CHST3: variants seen among roughly 807,000 people sequenced by gnomAD.
CHST3 encodes C6ST-1.
In CHST3, 20 loss-of-function variants were observed where a neutral mutation model predicts 35.4. The ratio of observed to expected loss-of-function variants is 0.57; its 90% CI spans 0.40 to 0.82. The LOEUF is 0.82. CHST3 is among the 40% of genes least tolerant of loss of function. The probability of loss-of-function intolerance (pLI) is 0.00; values close to 1 mark genes in which losing one functional copy is unlikely to be tolerated. For synonymous variants in CHST3, 334 were observed against 295.9 expected, an observed-to-expected ratio of 1.13 and a Z score of -1.32; for missense variants, 693 against 670.1, an observed-to-expected ratio of 1.03 and a Z score of -0.38.
In CHST3 at chr10:72,007,409, G is replaced by T. The variant is rs747501645; in HGVS notation, c.378G>T (p.Pro126=). The change falls in exon 3 of 3, where the codon CCG becomes CCT. Residue 126 remains proline (P), a synonymous_variant. Transcript: ENST00000373115. ...EQRKEEEPPR[P]AVAGPRRHVL... ...GAAAGGAGGAGGAGCCGCCCAGACC[G>T]GCCGTGGCGGGGCCCCGGCGCCACG... 3 of 1,605,050 alleles carry T rather than the reference G, an allele frequency of 1.9e-6. No individual in the cohort carries two copies. Among genetic ancestry groups the T allele is most frequent in the Admixed American group, 1.7e-5 (1 of 59,356 alleles).
chr10:72,001,024 C>A (rs1233398264), intron 1 of CHST3, among the ~76,000 whole-genome samples: 1 of 152,006 alleles, frequency 6.6e-6, no homozygotes, highest in African/African-American at 2.4e-5. Flanking sequence ...GGGGCAGAAG[C>A]CAGATGAGAC....
chr10:71,994,566 G>T (rs115384576), intron 1 of CHST3, among the ~76,000 whole-genome samples: 2,023 of 152,306 alleles, frequency 0.013, 56 homozygotes, highest in African/African-American at 0.045. Flanking sequence ...AATTGTTAAG[G>T]TCCCTAGGAG....
rs1409456670 is a variant in CHST3 at position 72,008,546 on chromosome 10, G to A, written c.*75G>A. On this transcript the variant is annotated 3_prime_UTR_variant, in exon 3 of 3. Transcript: ENST00000373115. ...TTCTGCCGCAGCCCTCGCAGAGGGC[G>A]GGTGCACAGCGCCATGAGCGGGCAG... The A allele has an allele frequency of 3.5e-6, 5 of 1,448,220 alleles. No individual in the cohort carries two copies. Among genetic ancestry groups the A allele is most frequent in the African/African-American group, 1.4e-5 (1 of 69,732 alleles). The allele number at this position is 1,448,220 out of a possible 1,614,324, so 89.7% of individuals were successfully genotyped here. A position where few individuals can be genotyped will look rare whatever the true frequency, so the allele number is the denominator to read the frequency against.
chr10:71,991,046 A>T (rs750110398), intron 1 of CHST3, among the ~76,000 whole-genome samples: 2 of 152,216 alleles, frequency 1.3e-5, no homozygotes, highest in Admixed American at 6.5e-5. Context: ...TTGTGAACTA[A>T]GCCAGTTGGA....
chr10:72,002,340 G>T (rs1840002099), intron 1 of CHST3, among the ~76,000 whole-genome samples: 1 of 152,182 alleles, frequency 6.6e-6, no homozygotes, highest in Non-Finnish European at 1.5e-5. Context: ...AGGTTCAGAG[G>T]CTTGTCATTT....
intron 1 of CHST3, among the ~76,000 whole-genome samples, chr10:71,983,359 G>A (rs1314198558): frequency 4.7e-5 from 7 of 149,852 alleles, no homozygotes; most frequent in African/African-American, 7.4e-5. Flanking sequence ...TATCTGGGAC[G>A]GCCAGTGAGC....
chr10:71,981,384 A>G (rs1839800066), intron 1 of CHST3, among the ~76,000 whole-genome samples: 1 of 152,180 alleles, frequency 6.6e-6, no homozygotes, highest in African/African-American at 2.4e-5. Flanking sequence ...CCAGCCTCGC[A>G]GCCCTCCAGA....
At chr10:71,985,538 C>G (rs1426562981) in intron 1 of CHST3, among the ~76,000 whole-genome samples, 3 of 152,184 alleles carry the variant, frequency 2.0e-5, no homozygotes, top group Non-Finnish European at 4.4e-5. Flanking sequence ...CCAGTTTGAA[C>G]CCAACTAGTT....
At chr10:71,981,783 G>T (rs1358589435) in intron 1 of CHST3, among the ~76,000 whole-genome samples, 1 of 152,240 alleles carries the variant, frequency 6.6e-6, no homozygotes, top group Non-Finnish European at 1.5e-5. Flanking sequence ...CTGCTGACAT[G>T]AATTCAATGC....
At position 71,996,288 on chromosome 10, in the gene CHST3, T is replaced by C. The variant is rs531072181; in HGVS notation, c.-107-9448T>C. On this transcript the variant is annotated intron_variant, in intron 1 of 2. Transcript: ENST00000373115. ...AGAGGTTTAAATTCCTTGCCTAAGGTCATAGGACCTCAAAGACAATAAGCA... is the reference window on the plus strand; with the variant it reads ...AGAGGTTTAAATTCCTTGCCTAAGGCCATAGGACCTCAAAGACAATAAGCA... 5.3e-5 allele frequency among the ~76,000 whole-genome samples: 8 copies of C among 152,266 alleles called. No homozygotes were observed. The South Asian group carries it at 1.7e-3, about 32-fold the overall frequency.
Position 72,005,766 on chromosome 10 carries a change from A to G in CHST3, c.-77A>G. On this transcript the variant is annotated 5_prime_UTR_variant, in exon 2 of 3. Transcript: ENST00000373115. Reference sequence around the variant, plus strand: ...GGGTGTCCCCCACCTGAAGACGGCAAGCTGGGTCCTGAGTGATGCCCCTCA... The same window carrying G: ...GGGTGTCCCCCACCTGAAGACGGCAGGCTGGGTCCTGAGTGATGCCCCTCA... 6.3e-7 allele frequency: 1 copy of G among 1,599,766 alleles called. No individual in the cohort carries two copies. The highest frequency in any genetic ancestry group is 1.9e-4 in the Middle Eastern group (1 of 5,264).
rs191007783 is a variant in CHST3 at position 72,005,826 on chromosome 10, C to T, written c.-17C>T. ...CCAAGGCTGGCCCGAGGAGCCCCCA[C>T]GGCCCCACCTTTCCCCATGGAGAAA... On this transcript the variant is annotated 5_prime_UTR_variant, in exon 2 of 3. The change creates a new upstream start codon in the 5' untranslated region. Coordinates refer to ENST00000373115, the MANE Select transcript of CHST3 (RefSeq NM_004273.5). 19 of 1,614,064 alleles carry T rather than the reference C, an allele frequency of 1.2e-5. No homozygotes were observed. Among genetic ancestry groups the T allele is most frequent in the East Asian group, 2.2e-5 (1 of 44,900 alleles).
chr10:72,006,061 CTG>C, intron 2 of CHST3, 79 bp downstream of exon 2: 1 of 1,547,294 alleles, frequency 6.5e-7, no homozygotes, highest in South Asian at 1.1e-5. Flanking sequence ...GCAGGGCTCT[CTG>C]TGGACCTGCA....
At chr10:71,987,807 C>G (rs1839863030) in intron 1 of CHST3, among the ~76,000 whole-genome samples, 1 of 151,252 alleles carries the variant, frequency 6.6e-6, no homozygotes, top group South Asian at 2.1e-4. Context: ...CTGTCCCTTA[C>G]TTGATCATTC....
chr10:71,998,110 G>C (rs1839958285), intron 1 of CHST3, among the ~76,000 whole-genome samples: 3 of 152,178 alleles, frequency 2.0e-5, no homozygotes, highest in African/African-American at 7.2e-5. Context: ...CTGTACCCCA[G>C]CCTGGGTGAC....
At chr10:72,000,499 G>A (rs140098578) in intron 1 of CHST3, among the ~76,000 whole-genome samples, 30 of 151,138 alleles carry the variant, frequency 2.0e-4, no homozygotes, top group African/African-American at 6.0e-4. Context: ...TTTGAGCTGA[G>A]TCCTGATTGC....
At chr10:71,989,650 C>T (rs1839879613) in intron 1 of CHST3, among the ~76,000 whole-genome samples, 1 of 152,166 alleles carries the variant, frequency 6.6e-6, no homozygotes, top group Non-Finnish European at 1.5e-5. Flanking sequence ...ATAACTTTCT[C>T]TTATATTGAT....
At chr10:71,993,182 A>G (rs913798043) in intron 1 of CHST3, among the ~76,000 whole-genome samples, 1 of 152,230 alleles carries the variant, frequency 6.6e-6, no homozygotes, top group African/African-American at 2.4e-5. Flanking sequence ...GGCCCAGGAA[A>G]GCTAAAAGAC....
intron 1 of CHST3, among the ~76,000 whole-genome samples, chr10:71,996,767 G>A (rs1477391312): frequency 1.3e-5 from 2 of 152,132 alleles, no homozygotes; most frequent in East Asian, 3.9e-4. Flanking sequence ...GCCCTGCCAC[G>A]TGCCAGGCAC....
Sources: allele counts gnomAD v4.1 joint callset (sites outside exome capture counted in the v4.1 genomes callset), GRCh38; gene constraint gnomAD v4.1.1; transcripts MANE v1.5; gene names NCBI Gene and HGNC (gene_info 2026-07-23, HGNC 2026-07-21).